Variants in EXOC6B observed in about 807,000 individuals in gnomAD.
EXOC6B encodes exocyst complex component 6B, also known as SEC15 homolog B.
In EXOC6B, 54 loss-of-function variants were observed where a neutral mutation model predicts 113.5. That is an observed-to-expected ratio of 0.48 (90% CI 0.38 to 0.60). The LOEUF is 0.60. EXOC6B is among the 20% of genes least tolerant of loss of function. The pLI, the probability that EXOC6B is intolerant of heterozygous loss-of-function variation, is 0.00. For missense variants in EXOC6B, 797 were observed against 977.5 expected (o/e 0.82, Z 2.46); for synonymous variants, 357 against 339.0 (o/e 1.05, Z -0.58).
chr2:72,819,723 T>C (rs1220300302), intron 1 of EXOC6B, among the ~76,000 whole-genome samples: 1 of 152,006 alleles, frequency 6.6e-6, no homozygotes, highest in African/African-American at 2.4e-5. Context: ...GCAGGTACCA[T>C]GGCACCCCAT....
chr2:72,815,058 G>A (rs1686146655), intron 1 of EXOC6B, among the ~76,000 whole-genome samples: 1 of 152,176 alleles, frequency 6.6e-6, no homozygotes, highest in South Asian at 2.1e-4. Flanking sequence ...TAATAAAGAG[G>A]CAGGTTTGAA....
chr2:72,627,498 T>C (rs1418271945), intron 6 of EXOC6B, among the ~76,000 whole-genome samples: 1 of 152,284 alleles, frequency 6.6e-6, no homozygotes, highest in East Asian at 1.9e-4. Flanking sequence ...ATAGGTAAGT[T>C]TTTTGGATAC....
Position 72,781,070 on chromosome 2 carries a change from T to C in EXOC6B, c.114-39601A>G, listed in dbSNP as rs138104935. Among the ~76,000 whole-genome samples, 19 of 152,340 alleles carry C rather than the reference T, an allele frequency of 1.2e-4. No individual in the cohort carries two copies. The East Asian group carries it at 3.7e-3, about 29-fold the overall frequency. ...GATTAATCTTTCTGTCATAAAGTTC[T>C]GGCCATGCTATTCTTCTGTCCCTTG... On this transcript the variant is annotated intron_variant, in intron 1 of 21. Transcript: ENST00000272427.
chr2:72,424,263 T>C (rs575268701), intron 18 of EXOC6B, among the ~76,000 whole-genome samples: 2 of 152,142 alleles, frequency 1.3e-5, no homozygotes, highest in East Asian at 3.8e-4. Flanking sequence ...CTTGACAGTT[T>C]TATTCTTTCC....
At position 72,443,008 on chromosome 2, in the gene EXOC6B, C is replaced by A. The variant is rs994910736; in HGVS notation, c.1980+22152G>T. Among the ~76,000 whole-genome samples the A allele has an allele frequency of 5.3e-5, 8 of 152,162 alleles. No individual in the cohort carries two copies. The South Asian group carries it at 8.3e-4, about 16-fold the overall frequency. ...AACTATACTACACGGCTACAATAAC[C>A]AAAACAGCATGATATAGATACAAGA... is the stretch of plus-strand genomic sequence containing the variant. On this transcript the variant is annotated intron_variant, in intron 18 of 21. Transcript: ENST00000272427.
At chr2:72,213,500 G>C (rs750598233) in intron 20 of EXOC6B, among the ~76,000 whole-genome samples, 3 of 152,058 alleles carry the variant, frequency 2.0e-5, no homozygotes, top group Non-Finnish European at 4.4e-5. Context: ...TCACCTTTCT[G>C]GATTTAACAA....
intron 20 of EXOC6B, among the ~76,000 whole-genome samples, chr2:72,283,164 T>C (rs971569240): frequency 2.0e-5 from 3 of 152,134 alleles, no homozygotes; most frequent in African/African-American, 7.2e-5. Flanking sequence ...GCCAAAAGGT[T>C]GAACAATCTT....
intron 20 of EXOC6B, among the ~76,000 whole-genome samples, chr2:72,193,889 T>C (rs1414077341): frequency 6.6e-6 from 1 of 152,212 alleles, no homozygotes; most frequent in Non-Finnish European, 1.5e-5. Flanking sequence ...AAAACTAAAG[T>C]CACCACCTGT....
At chr2:72,543,594 G>T (rs1014051233) in intron 8 of EXOC6B, among the ~76,000 whole-genome samples, 1 of 152,016 alleles carries the variant, frequency 6.6e-6, no homozygotes, top group Non-Finnish European at 1.5e-5. Context: ...TATGCCCATG[G>T]GTAATAAGGT....
intron 8 of EXOC6B, among the ~76,000 whole-genome samples, chr2:72,520,605 C>T (rs1252706762): frequency 6.6e-6 from 1 of 152,052 alleles, no homozygotes; most frequent in East Asian, 1.9e-4. Flanking sequence ...TGCATTTAGC[C>T]CATTCACCAT....
At chr2:72,375,127 A>T (rs999883992) in intron 19 of EXOC6B, among the ~76,000 whole-genome samples, 1 of 152,130 alleles carries the variant, frequency 6.6e-6, no homozygotes, top group Non-Finnish European at 1.5e-5. Flanking sequence ...GGGACATATC[A>T]GTTCTAAGTA....
At chr2:72,780,369 C>G (rs1683952135) in intron 1 of EXOC6B, among the ~76,000 whole-genome samples, 1 of 152,132 alleles carries the variant, frequency 6.6e-6, no homozygotes, top group African/African-American at 2.4e-5. Context: ...AGAACAAGCT[C>G]TAACACTTTA....
intron 1 of EXOC6B, among the ~76,000 whole-genome samples, chr2:72,762,405 T>C (rs1682796620): frequency 6.6e-6 from 1 of 151,498 alleles, no homozygotes; most frequent in Admixed American, 6.6e-5. Context: ...CAAACACTAA[T>C]AAAGAAAAAT....
chr2:72,642,951 A>G (rs78005183), intron 6 of EXOC6B, among the ~76,000 whole-genome samples: 128,122 of 145,458 alleles, frequency 0.88, 56,486 homozygotes, highest in East Asian at 0.99. Flanking sequence ...AAAAGTGGGC[A>G]AAGGACATGA....
At chr2:72,796,511 T>C (rs1684962047) in intron 1 of EXOC6B, among the ~76,000 whole-genome samples, 1 of 151,732 alleles carries the variant, frequency 6.6e-6, no homozygotes, top group East Asian at 1.9e-4. Context: ...CATAATCTTT[T>C]CCCCCACTAG....
chr2:72,253,391 C>T (rs978134140), intron 20 of EXOC6B, among the ~76,000 whole-genome samples: 2 of 152,178 alleles, frequency 1.3e-5, no homozygotes, highest in Non-Finnish European at 1.5e-5. Context: ...AAGACACACA[C>T]ATGAAAATAT....
At chr2:72,250,590 C>T (rs1032943058) in intron 20 of EXOC6B, among the ~76,000 whole-genome samples, 4 of 151,680 alleles carry the variant, frequency 2.6e-5, no homozygotes, top group African/African-American at 9.7e-5. Context: ...GCGATCTTCC[C>T]ACCTCAGCCC....
At chr2:72,277,440 G>C (rs1458284781) in intron 20 of EXOC6B, among the ~76,000 whole-genome samples, 2 of 151,596 alleles carry the variant, frequency 1.3e-5, no homozygotes, top group African/African-American at 4.8e-5. Flanking sequence ...ATGCAACACA[G>C]CTTCAAAGCT....
At chr2:72,384,116 T>C (rs568981665) in intron 18 of EXOC6B, among the ~76,000 whole-genome samples, 1 of 152,094 alleles carries the variant, frequency 6.6e-6, no homozygotes, top group South Asian at 2.1e-4. Context: ...TATACCTATA[T>C]AACAAACCTG....
Sources: gnomAD v4.1 joint callset for allele counts (sites outside exome capture counted in the v4.1 genomes callset) on GRCh38, gnomAD v4.1.1 for gene constraint, MANE v1.5 for transcripts, NCBI Gene and HGNC (gene_info 2026-07-23, HGNC 2026-07-21) for gene names.